CDKL2: variants seen among roughly 807,000 people sequenced by gnomAD.
CDKL2 encodes the protein cyclin-dependent kinase-like 2.
A neutral mutation model predicts 63.9 loss-of-function variants in CDKL2; 64 were observed. The observed-to-expected ratio is 1.00, with a 90% CI of 0.82 to 1.23. CDKL2 has a LOEUF of 1.23. CDKL2 is among the 50% of genes most tolerant of loss of function. The pLI is 0.00. For synonymous variants in CDKL2, 211 were observed against 229.2 expected, an observed-to-expected ratio of 0.92 and a Z score of 0.72; for missense variants, 656 against 668.0, an observed-to-expected ratio of 0.98 and a Z score of 0.20.
intron 10 of CDKL2, 28 bp downstream of exon 10, chr4:75,596,219 C>G: frequency 7.7e-7 from 1 of 1,300,898 alleles, no homozygotes; most frequent in Non-Finnish European, 1.1e-6. Flanking sequence ...GGTGTTTGCT[C>G]TTCTACTACT....
At chr4:75,627,214 A>AT (rs1730460901) in intron 1 of CDKL2, among the ~76,000 whole-genome samples, 1 of 151,438 alleles carries the variant, frequency 6.6e-6, no homozygotes, top group Non-Finnish European at 1.5e-5. Context: ...AAAAAAAAAA[A>AT]GCACAATTCC....
chr4:75,583,020 T>A (rs1260073826), intron 12 of CDKL2, among the ~76,000 whole-genome samples: 1 of 152,122 alleles, frequency 6.6e-6, no homozygotes, highest in Non-Finnish European at 1.5e-5. Flanking sequence ...TTTGTCACCG[T>A]CAGACCTGCT....
chr4:75,621,083 G>A (rs748443201), intron 2 of CDKL2, among the ~76,000 whole-genome samples: 12 of 151,446 alleles, frequency 7.9e-5, no homozygotes, highest in East Asian at 1.9e-4. Flanking sequence ...CTATAGGCGC[G>A]CACCAACATG....
At chr4:75,584,491 G>C (rs763086996) in intron 12 of CDKL2, among the ~76,000 whole-genome samples, 1 of 152,148 alleles carries the variant, frequency 6.6e-6, no homozygotes, top group African/African-American at 2.4e-5. Flanking sequence ...TTCCACCTGT[G>C]AGACTCATTC....
At chr4:75,614,573 AAAATGCATACATAGTGT>A in intron 2 of CDKL2, 124 bp from the exon 3 acceptor site, 1 of 603,386 alleles carries the variant, frequency 1.7e-6, no homozygotes, top group East Asian at 2.8e-5. Context: ...ATATATAAAT[AAAATGCATACATAGTGT>A]AAATTGTAAA....
chr4:75,596,356 A>T lies in CDKL2; in HGVS notation c.1323-16T>A, dbSNP rs781419932. 4 of 1,544,838 alleles carry T rather than the reference A, an allele frequency of 2.6e-6. No individual in the cohort carries two copies. Among genetic ancestry groups the T allele is most frequent in the South Asian group, 2.3e-5 (2 of 88,820 alleles). On this transcript the variant is annotated splice_polypyrimidine_tract_variant and intron_variant, in intron 9 of 13. Transcript: ENST00000307465. ...CTCATCCACTCTGTAACGACAAAAA[A>T]AAATGTTTTTAAGTTAGAACCAGCA...
At chr4:75,595,227 G>T (rs1728864205) in intron 10 of CDKL2, among the ~76,000 whole-genome samples, 3 of 147,486 alleles carry the variant, frequency 2.0e-5, no homozygotes, top group Admixed American at 6.8e-5. Flanking sequence ...TTTGAGACAG[G>T]GTCTTGGTCT....
rs1553931247 is a variant in CDKL2, at chr4:75,621,308, A to AAC, written c.168+4512_168+4513insGT. On this transcript the variant is annotated intron_variant, in intron 2 of 13. Transcript: ENST00000307465. ...TAAAATTAACAGACAAAAAAAAAAA[A>AAC]AAACCCACACCTAGGCATATTATTG... 2.6e-4 allele frequency among the ~76,000 whole-genome samples: 40 copies of AAC among 151,532 alleles called. 1 individual carries two copies. Among genetic ancestry groups the AAC allele is most frequent in the African/African-American group, 9.7e-4 (40 of 41,218 alleles).
intron 12 of CDKL2, among the ~76,000 whole-genome samples, chr4:75,587,265 C>T (rs568612939): frequency 6.6e-6 from 1 of 151,876 alleles, no homozygotes; most frequent in South Asian, 2.1e-4. Flanking sequence ...ACCAGCCTGG[C>T]CAACATGGTG....
chr4:75,605,356 AAC>A (rs140806852), intron 5 of CDKL2, among the ~76,000 whole-genome samples, 164 bp downstream of exon 5: 94 of 149,198 alleles, frequency 6.3e-4, no homozygotes, highest in African/African-American at 1.3e-3. Flanking sequence ...TCCATCTCAA[AAC>A]ACACACACAC....
intron 1 of CDKL2, among the ~76,000 whole-genome samples, chr4:75,627,275 G>C (rs577942475): frequency 6.6e-6 from 1 of 151,728 alleles, no homozygotes; most frequent in South Asian, 2.1e-4. Context: ...TTGTTTGTTT[G>C]TTTGTTTGTT....
intron 12 of CDKL2, among the ~76,000 whole-genome samples, chr4:75,587,031 G>A (rs1728508024): frequency 6.6e-6 from 1 of 152,094 alleles, no homozygotes; most frequent in Admixed American, 6.5e-5. Flanking sequence ...CAATGCCAAA[G>A]GCTTGATTTT....
At chr4:75,597,319 T>C in intron 8 of CDKL2, 83 bp from the exon 9 acceptor site, 1 of 806,842 alleles carries the variant, frequency 1.2e-6, no homozygotes, top group Non-Finnish European at 2.0e-6. Flanking sequence ...ACTTGTCAAC[T>C]AGAGCAGAAT....
chr4:75,612,267 C>G (rs1729736208), intron 3 of CDKL2, among the ~76,000 whole-genome samples: 1 of 152,220 alleles, frequency 6.6e-6, no homozygotes, highest in Admixed American at 6.5e-5. Context: ...GCCACCACAC[C>G]AGGCCTAAAA....
At chr4:75,618,173 G>A (rs559823688) in intron 2 of CDKL2, among the ~76,000 whole-genome samples, 5 of 148,468 alleles carry the variant, frequency 3.4e-5, no homozygotes, top group Non-Finnish European at 7.4e-5. Context: ...ATTTTTAATG[G>A]CAGATGGTTA....
Position 75,613,362 on chromosome 4 carries a change from A to G in CDKL2, c.363+893T>C, listed in dbSNP as rs115224634. On this transcript the variant is annotated intron_variant, in intron 3 of 13. Coordinates refer to ENST00000307465, the MANE Select transcript of CDKL2 (RefSeq NM_001330724.2). ...ATAATAATAATAACCGAAAAGAAAT[A>G]TATCAATTTAGGTGGCAGGTATGTA... Among the ~76,000 whole-genome samples the G allele has an allele frequency of 2.6e-3, 389 of 152,290 alleles. 2 individuals carry two copies. Among genetic ancestry groups the G allele is most frequent in the African/African-American group, 8.8e-3 (366 of 41,578 alleles).
chr4:75,592,336 G>T (rs1377196478), intron 10 of CDKL2, 67 bp from the exon 11 acceptor site: 2 of 1,353,812 alleles, frequency 1.5e-6, no homozygotes, highest in Non-Finnish European at 1.9e-6. Context: ...TCCTTCTTCT[G>T]TAACTCCTAT....
intron 3 of CDKL2, among the ~76,000 whole-genome samples, chr4:75,609,545 G>T (rs962783435): frequency 6.6e-6 from 1 of 151,140 alleles, no homozygotes; most frequent in African/African-American, 2.4e-5. Flanking sequence ...GGGGAAGGTT[G>T]CAGTGAGCCG....
rs767630561 is a variant in CDKL2 at position 75,605,541 on chromosome 4, A to C, written c.636T>G (p.Tyr212Ter). The C allele has an allele frequency of 6.2e-7, 1 of 1,603,334 alleles. No individual in the cohort carries two copies. The highest frequency in any genetic ancestry group is 1.7e-5 in the Admixed American group (1 of 59,984). The change falls in exon 5 of 14, where the codon TAT becomes TAG. Residue 212 changes from tyrosine (Y) to a stop codon, truncating the protein, a stop_gained. Transcript: ENST00000307465. LOFTEE classifies it high-confidence loss of function. ...CCTTACCTAAACACATCATAATATG[A>C]TATAGCTGATCAATATCAGAATCTC... is the stretch of plus-strand genomic sequence containing the variant. ...FPGDSDIDQL[Y>*]HIMMCLGNLI...
Sources: gnomAD v4.1 joint callset for allele counts (sites outside exome capture counted in the v4.1 genomes callset) on GRCh38, gnomAD v4.1.1 for gene constraint, MANE v1.5 for transcripts, NCBI Gene and HGNC (gene_info 2026-07-23, HGNC 2026-07-21) for gene names.